Variants in CMTM4 observed in about 807,000 individuals in gnomAD.
CMTM4 encodes the protein CKLF like MARVEL transmembrane domain containing 4, also known as CKLF-like MARVEL transmembrane domain-containing protein 4.
A neutral mutation model predicts 19.0 loss-of-function variants in CMTM4; 8 were observed. That is an observed-to-expected ratio of 0.42 (90% confidence interval 0.25 to 0.76). CMTM4 has a LOEUF of 0.76. Ranked by LOEUF, CMTM4 falls within the 30% of genes least tolerant of loss-of-function variation. CMTM4 has a pLI of 0.27. For synonymous variants in CMTM4, 106 were observed against 121.1 expected, an observed-to-expected ratio of 0.88 and a Z score of 0.82; for missense variants, 228 against 290.2, an observed-to-expected ratio of 0.79 and a Z score of 1.56.
chr16:66,662,472 T>C (rs978928373), intron 1 of CMTM4, among the ~76,000 whole-genome samples: 13 of 152,220 alleles, frequency 8.5e-5, no homozygotes, highest in Non-Finnish European at 1.2e-4. Flanking sequence ...CTCATAGACA[T>C]TGAACACAAT....
rs1396077646 is a variant in CMTM4, at chr16:66,696,630, C to G, written c.-105G>C. 1 of 612,268 alleles carries G rather than the reference C, an allele frequency of 1.6e-6. No individual in the cohort carries two copies. The highest frequency in any genetic ancestry group is 2.0e-5 in the African/African-American group (1 of 49,350). 37.9% of individuals were successfully genotyped at this position (612,268 alleles called of 1,614,324 possible). ...GCCGCCGCCGCCGCCGCCGCCGCCG[C>G]CCGACTGACTGCCCGCGGCCCGCCC... On this transcript the variant is annotated 5_prime_UTR_variant, in exon 1 of 4. Coordinates refer to ENST00000394106, the MANE Select transcript of CMTM4 (RefSeq NM_181521.3). This position sits in a 1 kb window ranked among gnomAD's most constrained non-coding sequence, Gnocchi z 4.3.
At chr16:66,692,010 T>C (rs2017144400) in intron 1 of CMTM4, among the ~76,000 whole-genome samples, 1 of 152,202 alleles carries the variant, frequency 6.6e-6, no homozygotes, top group Non-Finnish European at 1.5e-5. Flanking sequence ...AGGGAGGTAT[T>C]GGCAGTCTCA....
chr16:66,680,557 G>A (rs573529809), intron 1 of CMTM4, among the ~76,000 whole-genome samples: 16 of 151,220 alleles, frequency 1.1e-4, no homozygotes, highest in South Asian at 4.2e-4. Context: ...GGCAGATCAC[G>A]AGGTCAGGAG....
Position 66,616,810 on chromosome 16 carries a change from C to T in CMTM4, c.*5248G>A, listed in dbSNP as rs573018605. The T allele has an allele frequency of 1.9e-5, 3 of 153,854 alleles. No individual in the cohort carries two copies. Among genetic ancestry groups the T allele is most frequent in the African/African-American group, 7.2e-5 (3 of 41,576 alleles). 9.5% of individuals were successfully genotyped at this position (153,854 alleles called of 1,614,324 possible). A position where few individuals can be genotyped will look rare whatever the true frequency, so the allele number is the denominator to read the frequency against. On this transcript the variant is annotated 3_prime_UTR_variant, in exon 4 of 4. Transcript: ENST00000394106. ...CCCTCCTCACCATCCCTACGCGTCT[C>T]CTCACCATCCCTACGCGTGACTGAC...
At chr16:66,652,069 A>T (rs1319449181) in intron 1 of CMTM4, among the ~76,000 whole-genome samples, 1 of 152,242 alleles carries the variant, frequency 6.6e-6, no homozygotes, top group Non-Finnish European at 1.5e-5. Flanking sequence ...CAGGAGCTAA[A>T]GCCACCTGGG....
intron 1 of CMTM4, among the ~76,000 whole-genome samples, chr16:66,689,116 G>A (rs533186119): frequency 1.1e-4 from 16 of 152,132 alleles, no homozygotes; most frequent in Middle Eastern, 3.4e-3. Context: ...TGATCTGTAC[G>A]TCTCCTATTA....
chr16:66,619,721 G>A lies in CMTM4; in HGVS notation c.*2337C>T, dbSNP rs893294365. 4 of 985,174 alleles carry A rather than the reference G, an allele frequency of 4.1e-6. No homozygotes were observed. Among genetic ancestry groups the A allele is most frequent in the Middle Eastern group, 5.2e-4 (1 of 1,936 alleles). 61.0% of individuals were successfully genotyped at this position (985,174 alleles called of 1,614,324 possible). A position where few individuals can be genotyped will look rare whatever the true frequency, so the allele number is the denominator to read the frequency against. ...CCACACATTACATCAACTAGAAAGC[G>A]TCCATAGCACCACTTCCGGTTCTAG... On this transcript the variant is annotated 3_prime_UTR_variant, in exon 4 of 4. Transcript: ENST00000394106.
In CMTM4 at chr16:66,619,660, C is replaced by T. The variant is rs762200275; in HGVS notation, c.*2398G>A. ...ATAACCCTATTCCCTCCAGAACTTT[C>T]GTCACCACGTGGTCTATACATGATG... On this transcript the variant is annotated 3_prime_UTR_variant, in exon 4 of 4. Transcript: ENST00000394106. 1.0e-6 allele frequency: 1 copy of T among 985,360 alleles called. No homozygotes were observed. Among genetic ancestry groups the T allele is most frequent in the Non-Finnish European group, 1.2e-6 (1 of 829,918 alleles). The allele number at this position is 985,360 out of a possible 1,614,324, so 61.0% of individuals were successfully genotyped here.
intron 1 of CMTM4, among the ~76,000 whole-genome samples, chr16:66,692,365 C>T (rs1334669932): frequency 6.6e-6 from 1 of 152,148 alleles, no homozygotes; most frequent in African/African-American, 2.4e-5. Context: ...GCTGGCATTA[C>T]AGGCGTGAGC....
chr16:66,619,623 T>C lies in CMTM4; in HGVS notation c.*2435A>G. The C allele has an allele frequency of 2.0e-6, 2 of 985,362 alleles. No individual in the cohort carries two copies. Among genetic ancestry groups the C allele is most frequent in the Non-Finnish European group, 1.2e-6 (1 of 829,926 alleles). The allele number at this position is 985,362 out of a possible 1,614,324, so 61.0% of individuals were successfully genotyped here. A position where few individuals can be genotyped will look rare whatever the true frequency, so the allele number is the denominator to read the frequency against. ...TATAAGAAAAATATAGGCGTCTTCA[T>C]ATTCACCTTGGATAACCCTATTCCC... On this transcript the variant is annotated 3_prime_UTR_variant, in exon 4 of 4. Coordinates refer to ENST00000394106, the MANE Select transcript of CMTM4 (RefSeq NM_181521.3).
chr16:66,599,629 G>A, the CMTM4 span, among the ~76,000 whole-genome samples: 4 of 152,092 alleles, frequency 2.6e-5, no homozygotes, highest in African/African-American at 9.7e-5. Context: ...CCAAAGTGCT[G>A]TGCTATTAGG....
At chr16:66,647,010 T>A (rs2016214937) in intron 1 of CMTM4, among the ~76,000 whole-genome samples, 1 of 150,788 alleles carries the variant, frequency 6.6e-6, no homozygotes, top group Admixed American at 6.6e-5. Flanking sequence ...CCCAGCCTGG[T>A]CAGGACTTTT....
At chr16:66,689,717 A>G (rs182599939) in intron 1 of CMTM4, among the ~76,000 whole-genome samples, 1 of 152,282 alleles carries the variant, frequency 6.6e-6, no homozygotes. Context: ...TGTTATTTTA[A>G]GTTATTAATA....
At chr16:66,667,150 T>A (rs567313062) in intron 1 of CMTM4, among the ~76,000 whole-genome samples, 1 of 151,542 alleles carries the variant, frequency 6.6e-6, no homozygotes, top group African/African-American at 2.4e-5. Flanking sequence ...CATGGCAAAA[T>A]CCCATCTCTG....
At chr16:66,609,446 CTG>C in the CMTM4 span, 1 of 1,612,888 alleles carries the variant, frequency 6.2e-7, no homozygotes. The surrounding 1 kb of genome is among the most constrained non-coding windows in gnomAD (Gnocchi z 4.4). Context: ...ACTTCCTGCG[CTG>C]TGTCACCGCG....
chr16:66,622,646 A>G lies in CMTM4; in HGVS notation c.463-424T>C, dbSNP rs1205578234. ...TCCCAGATGAGAAAATACAGTGCAG[A>G]CAAAATGTAACATAGACAGAAAATC... On this transcript the variant is annotated intron_variant, in intron 3 of 3. Coordinates refer to ENST00000394106, the MANE Select transcript of CMTM4 (RefSeq NM_181521.3). This position sits in a 1 kb window ranked among gnomAD's most constrained non-coding sequence, Gnocchi z 4.0. 6.6e-6 allele frequency among the ~76,000 whole-genome samples: 1 copy of G among 152,226 alleles called. No individual in the cohort carries two copies. The highest frequency in any genetic ancestry group is 1.5e-5 in the Non-Finnish European group (1 of 68,034).
rs758565705 is a variant in CMTM4 at position 66,673,071 on chromosome 16, ATTTTTTTTT to A, written c.186+23260_186+23268del. On this transcript the variant is annotated intron_variant, in intron 1 of 3. Coordinates refer to ENST00000394106, the MANE Select transcript of CMTM4 (RefSeq NM_181521.3). ...ATTACAGGCACGCGCCACCACACCAATTTTTTTTTTTTTTTTTTTTTTTTTGTATTTTTT... is the reference window on the plus strand; with the variant it reads ...ATTACAGGCACGCGCCACCACACCAATTTTTTTTTTTTTTTTGTATTTTTT... Among the ~76,000 whole-genome samples the A allele has an allele frequency of 7.6e-4, 66 of 86,750 alleles. 1 individual carries two copies. Among genetic ancestry groups the A allele is most frequent in the Middle Eastern group, 0.021 (2 of 94 alleles). The allele number at this position is 86,750 out of a possible 152,430, so 56.9% of individuals were successfully genotyped here. A position where few individuals can be genotyped will look rare whatever the true frequency, so the allele number is the denominator to read the frequency against.
At position 66,687,585 on chromosome 16, in the gene CMTM4, C is replaced by G. The variant is rs539354089; in HGVS notation, c.186+8755G>C. On this transcript the variant is annotated intron_variant, in intron 1 of 3. Coordinates refer to ENST00000394106, the MANE Select transcript of CMTM4 (RefSeq NM_181521.3). Reference sequence around the variant, plus strand: ...TCCCTGACACCCTGGCCCTCGGCCACCCAGCTCCCCAACTTGTATCATTCC... The same window carrying G: ...TCCCTGACACCCTGGCCCTCGGCCAGCCAGCTCCCCAACTTGTATCATTCC... Among the ~76,000 whole-genome samples, 3 of 152,290 alleles carry G rather than the reference C, an allele frequency of 2.0e-5. No homozygotes were observed. In the East Asian group the frequency reaches 5.8e-4, roughly 29 times the overall value.
At chr16:66,604,838 C>T in the CMTM4 span, 1 of 1,346,762 alleles carries the variant, frequency 7.4e-7, no homozygotes, top group Non-Finnish European at 9.5e-7. Flanking sequence ...CCGACCCGGA[C>T]CCCGAGCCTG....
Sources: gnomAD v4.1 joint callset for allele counts (sites outside exome capture counted in the v4.1 genomes callset) on GRCh38, gnomAD v4.1.1 for gene constraint, Gnocchi (gnomAD v3.1) non-coding constraint, MANE v1.5 for transcripts, NCBI Gene and HGNC (gene_info 2026-07-23, HGNC 2026-07-21) for gene names.